The following C8orf34 variants were observed in gnomAD, a reference collection of about 807,000 sequenced individuals.
The protein encoded by C8orf34 is uncharacterized protein C8orf34.
In C8orf34, 65 loss-of-function variants were observed where a neutral mutation model predicts 68.3. That is an observed-to-expected ratio of 0.95 (90% confidence interval 0.78 to 1.17). C8orf34 has a LOEUF of 1.17. Ranked by LOEUF, C8orf34 falls within the 50% of genes most tolerant of loss-of-function variation. The pLI is 0.00. For missense variants in C8orf34, 664 were observed against 655.4 expected, an observed-to-expected ratio of 1.01 and a Z score of -0.14; for synonymous variants, 244 against 241.2, an observed-to-expected ratio of 1.01 and a Z score of -0.11.
chr8:68,509,700 G>C (rs570232196), intron 5 of C8orf34, among the ~76,000 whole-genome samples: 1 of 152,270 alleles, frequency 6.6e-6, no homozygotes, highest in East Asian at 1.9e-4. Flanking sequence ...AACCCATCTA[G>C]AAAGAGGGGA....
At chr8:68,794,493 ATATATATATATATTT>A (rs1451122409) in intron 12 of C8orf34, among the ~76,000 whole-genome samples, 1 of 95,264 alleles carries the variant, frequency 1.0e-5, no homozygotes, top group Non-Finnish European at 1.8e-5. Context: ...ATATATATAT[ATATATATATATATTT>A]TTTTTTTTTT....
intron 1 of C8orf34, among the ~76,000 whole-genome samples, chr8:68,432,844 A>T (rs1237568445): frequency 6.6e-6 from 1 of 152,130 alleles, no homozygotes; most frequent in Non-Finnish European, 1.5e-5. Flanking sequence ...ACCAAAGCCA[A>T]AACTTGTAAC....
chr8:68,500,902 AGACAGGG>A (rs1813741777), intron 5 of C8orf34, among the ~76,000 whole-genome samples: 2 of 151,952 alleles, frequency 1.3e-5, no homozygotes, highest in African/African-American at 4.8e-5. Context: ...AAACCACTGC[AGACAGGG>A]AGGCAGAAGA....
At chr8:68,579,590 A>G (rs1817002056) in intron 7 of C8orf34, among the ~76,000 whole-genome samples, 1 of 152,080 alleles carries the variant, frequency 6.6e-6, no homozygotes, top group Non-Finnish European at 1.5e-5. Context: ...ATTTCTTTTT[A>G]TTTAAATGTT....
chr8:68,762,050 C>G (rs533849203), intron 10 of C8orf34, among the ~76,000 whole-genome samples: 2 of 152,168 alleles, frequency 1.3e-5, no homozygotes, highest in Non-Finnish European at 2.9e-5. Context: ...CTCACTCACC[C>G]CCTTGGCTGT....
At chr8:68,522,085 A>G in intron 6 of C8orf34, 114 bp downstream of exon 6, 1 of 931,890 alleles carries the variant, frequency 1.1e-6, no homozygotes, top group Non-Finnish European at 1.6e-6. Context: ...TTTATAGAAA[A>G]TTATGTTAGT....
chr8:68,506,115 T>C (rs1442003584), intron 5 of C8orf34, among the ~76,000 whole-genome samples: 3 of 150,726 alleles, frequency 2.0e-5, no homozygotes, highest in African/African-American at 7.3e-5. Context: ...TACACACACA[T>C]ACACACACAC....
At chr8:68,697,868 C>T (rs1820880605) in intron 8 of C8orf34, among the ~76,000 whole-genome samples, 1 of 152,018 alleles carries the variant, frequency 6.6e-6, no homozygotes, top group South Asian at 2.1e-4. Flanking sequence ...TAAAATTCCC[C>T]CTCGGGGGAG....
chr8:68,789,694 A>G (rs1299011867), intron 12 of C8orf34, among the ~76,000 whole-genome samples: 2 of 152,216 alleles, frequency 1.3e-5, no homozygotes, highest in African/African-American at 2.4e-5. Flanking sequence ...TATCAGAAGA[A>G]TTAGTAAATG....
chr8:68,343,143 T>C (rs1806139781), intron 1 of C8orf34, among the ~76,000 whole-genome samples: 1 of 151,988 alleles, frequency 6.6e-6, no homozygotes, highest in Non-Finnish European at 1.5e-5. Flanking sequence ...AATTAGAAAA[T>C]GGGTAAAAGA....
intron 10 of C8orf34, among the ~76,000 whole-genome samples, chr8:68,762,086 G>T (rs2129528049): frequency 6.6e-6 from 1 of 152,234 alleles, no homozygotes; most frequent in Non-Finnish European, 1.5e-5. Flanking sequence ...TGCATGTGGT[G>T]GCCAGTGATA....
intron 4 of C8orf34, among the ~76,000 whole-genome samples, chr8:68,472,506 C>A (rs903991100): frequency 7.9e-5 from 12 of 152,190 alleles, no homozygotes; most frequent in African/African-American, 2.9e-4. Flanking sequence ...CCTTCATGCT[C>A]AGGAGGCCCA....
intron 1 of C8orf34, among the ~76,000 whole-genome samples, chr8:68,413,916 C>A (rs1337420443): frequency 1.3e-5 from 2 of 152,214 alleles, no homozygotes; most frequent in Non-Finnish European, 2.9e-5. Flanking sequence ...GGACTCTACA[C>A]CTTTGCTCTG....
chr8:68,488,419 G>A (rs1485066521), intron 5 of C8orf34, among the ~76,000 whole-genome samples: 2 of 152,084 alleles, frequency 1.3e-5, no homozygotes, highest in Non-Finnish European at 2.9e-5. Flanking sequence ...CTCCTCTTTG[G>A]AAACCTTACC....
At chr8:68,676,737 T>G (rs527667187) in intron 8 of C8orf34, among the ~76,000 whole-genome samples, 1 of 152,216 alleles carries the variant, frequency 6.6e-6, no homozygotes, top group Admixed American at 6.5e-5. Context: ...TTCGTTTTCA[T>G]GCTGCTGATA....
intron 12 of C8orf34, chr8:68,792,631 C>G (rs1200766920): frequency 3.0e-5 from 4 of 131,538 alleles, no homozygotes; most frequent in African/African-American, 8.4e-5. Context: ...GGAAAAGGAA[C>G]CATACTGAAA....
intron 10 of C8orf34, among the ~76,000 whole-genome samples, chr8:68,724,826 C>T (rs1237494581): frequency 1.3e-5 from 2 of 152,048 alleles, no homozygotes; most frequent in South Asian, 2.1e-4. Context: ...CACTTAATGT[C>T]GATGATTTTG....
chr8:68,711,409 C>A, intron 9 of C8orf34, among the ~76,000 whole-genome samples: 1 of 151,954 alleles, frequency 6.6e-6, no homozygotes, highest in East Asian at 1.9e-4. Flanking sequence ...TTACATAAAT[C>A]AAAAACATAA....
At chr8:68,666,690 C>T (rs915413362) in intron 8 of C8orf34, among the ~76,000 whole-genome samples, 38 of 152,052 alleles carry the variant, frequency 2.5e-4, no homozygotes, top group Non-Finnish European at 7.4e-5. Flanking sequence ...TTTAGATTTG[C>T]AATAAAATTT....
Sources: allele counts gnomAD v4.1 joint callset (sites outside exome capture counted in the v4.1 genomes callset), GRCh38; gene constraint gnomAD v4.1.1; transcripts MANE v1.5; gene names NCBI Gene and HGNC (gene_info 2026-07-23, HGNC 2026-07-21).